STARD13: variants seen among roughly 807,000 people sequenced by gnomAD.
The protein encoded by STARD13 is StAR related lipid transfer domain containing 13, also known as stAR-related lipid transfer protein 13.
Under a neutral mutation model 106.4 loss-of-function variants are expected in STARD13, and 62 were observed. The ratio of observed to expected loss-of-function variants is 0.58; its 90% CI spans 0.48 to 0.72. The LOEUF is 0.72. Ranked by LOEUF, STARD13 falls within the 30% of genes least tolerant of loss-of-function variation. STARD13 has a pLI of 0.00. For synonymous variants in STARD13, 565 were observed against 553.0 expected (o/e 1.02, Z -0.31); for missense variants, 1,387 against 1,424.0 (o/e 0.97, Z 0.42).
At chr13:33,206,433 C>T (rs1887425242) in intron 1 of STARD13, among the ~76,000 whole-genome samples, 1 of 151,752 alleles carries the variant, frequency 6.6e-6, no homozygotes, top group African/African-American at 2.4e-5. Flanking sequence ...ACTGTGCAAA[C>T]CAATTCCAAG....
chr13:33,551,613 T>TTTTTTTG, the STARD13 span, among the ~76,000 whole-genome samples: 1 of 113,888 alleles, frequency 8.8e-6, no homozygotes, highest in Non-Finnish European at 1.7e-5. Flanking sequence ...TTTTTTTTTT[T>TTTTTTTG]TTTGAGTTGG....
At chr13:33,542,948 A>G in the STARD13 span, among the ~76,000 whole-genome samples, 1 of 152,022 alleles carries the variant, frequency 6.6e-6, no homozygotes, top group Non-Finnish European at 1.5e-5. Context: ...GAGGGACCCG[A>G]GTCTCCGCCC....
At chr13:33,111,580 C>A (rs1424275014) in intron 10 of STARD13, among the ~76,000 whole-genome samples, 198 bp downstream of exon 10, 1 of 152,196 alleles carries the variant, frequency 6.6e-6, no homozygotes, top group Non-Finnish European at 1.5e-5. Flanking sequence ...TATGGTAATC[C>A]CAAGTGTCTT....
the STARD13 span, among the ~76,000 whole-genome samples, chr13:33,597,066 T>C: frequency 6.6e-6 from 1 of 152,236 alleles, no homozygotes; most frequent in African/African-American, 2.4e-5. Flanking sequence ...GTGGGATTGC[T>C]GCATAGTACT....
At chr13:33,622,905 C>T in the STARD13 span, among the ~76,000 whole-genome samples, 863 of 138,130 alleles carry the variant, frequency 6.2e-3, 30 homozygotes, top group East Asian at 0.1. Flanking sequence ...GGCGACAGAG[C>T]AAAACTCTGT....
chr13:33,648,783 CTT>C, the STARD13 span, among the ~76,000 whole-genome samples: 305 of 76,984 alleles, frequency 4.0e-3, 1 homozygote, highest in African/African-American at 0.017. Flanking sequence ...TTTTCTCTTT[CTT>C]TTTTTTTTTT....
At chr13:33,553,103 A>G in the STARD13 span, among the ~76,000 whole-genome samples, 4 of 152,192 alleles carry the variant, frequency 2.6e-5, no homozygotes, top group African/African-American at 9.6e-5. Flanking sequence ...ACATTTTGAA[A>G]TGGATAATTC....
At chr13:33,314,574 A>G (rs1239941269) in intron 1 of STARD13, among the ~76,000 whole-genome samples, 3 of 152,226 alleles carry the variant, frequency 2.0e-5, no homozygotes, top group African/African-American at 7.2e-5. Context: ...AAGTATTTTT[A>G]TGCATATAGC....
intron 1 of STARD13, among the ~76,000 whole-genome samples, chr13:33,321,713 G>T (rs115990022): frequency 2.0e-5 from 3 of 152,082 alleles, no homozygotes; most frequent in African/African-American, 7.2e-5. Context: ...ATCAAAGAAC[G>T]GGGCTTTCCT....
chr13:33,136,704 C>T (rs532588978), intron 4 of STARD13, among the ~76,000 whole-genome samples: 7 of 152,342 alleles, frequency 4.6e-5, no homozygotes, highest in Non-Finnish European at 4.4e-5. Flanking sequence ...CACCCAACTT[C>T]GGGACCACCC....
the STARD13 span, among the ~76,000 whole-genome samples, chr13:33,534,933 A>G: frequency 1.3e-5 from 2 of 152,162 alleles, no homozygotes; most frequent in Non-Finnish European, 1.5e-5. Flanking sequence ...TAAAAGGAGA[A>G]CCGGGCCGTT....
chr13:33,424,516 T>C, the STARD13 span, among the ~76,000 whole-genome samples: 1 of 152,138 alleles, frequency 6.6e-6, no homozygotes, highest in East Asian at 1.9e-4. Context: ...AGTGAAATCA[T>C]TTAAAGTGAC....
At chr13:33,173,874 C>T (rs936831592) in intron 1 of STARD13, among the ~76,000 whole-genome samples, 7 of 152,166 alleles carry the variant, frequency 4.6e-5, no homozygotes, top group Non-Finnish European at 8.8e-5. Flanking sequence ...AGAGTGATCA[C>T]GCTTACCTGT....
the STARD13 span, among the ~76,000 whole-genome samples, chr13:33,538,476 G>A: frequency 1.3e-4 from 20 of 152,264 alleles, no homozygotes; most frequent in African/African-American, 4.6e-4. Context: ...GAAAGAACCT[G>A]AAATAGACGA....
the STARD13 span, among the ~76,000 whole-genome samples, chr13:33,524,813 T>A: frequency 6.6e-6 from 1 of 152,126 alleles, no homozygotes; most frequent in South Asian, 2.1e-4. Context: ...ATCAAGCTAA[T>A]TAACATATGC....
exon 2 of STARD13, chr13:33,349,130 C>T: frequency 2.8e-6 from 2 of 702,272 alleles, no homozygotes; most frequent in South Asian, 3.0e-5. Context: ...CAGTGGTGTC[C>T]TTTCCTTCTT....
chr13:33,168,304 C>T (rs1036212515), intron 1 of STARD13, among the ~76,000 whole-genome samples: 2 of 152,084 alleles, frequency 1.3e-5, no homozygotes, highest in African/African-American at 4.8e-5. Flanking sequence ...GATGAGCCTG[C>T]CAGAACCTCT....
At chr13:33,547,983 A>G in the STARD13 span, among the ~76,000 whole-genome samples, 2 of 152,206 alleles carry the variant, frequency 1.3e-5, no homozygotes, top group African/African-American at 4.8e-5. Flanking sequence ...AAATGCCATT[A>G]GTTGATTTAT....
chr13:33,329,704 CTTTT>C (rs1270014763), intron 1 of STARD13, among the ~76,000 whole-genome samples: 2 of 126,306 alleles, frequency 1.6e-5, no homozygotes, highest in Non-Finnish European at 3.4e-5. Flanking sequence ...CACTTTCTTT[CTTTT>C]TTTTTTTTTT....
Sources: gnomAD v4.1 joint callset for allele counts (sites outside exome capture counted in the v4.1 genomes callset) on GRCh38, gnomAD v4.1.1 for gene constraint, MANE v1.5 for transcripts, NCBI Gene and HGNC (gene_info 2026-07-23, HGNC 2026-07-21) for gene names.